Variants in MARCHF1 observed in about 807,000 individuals in gnomAD.
MARCHF1 encodes the protein E3 ubiquitin-protein ligase MARCHF1.
A neutral mutation model predicts 54.2 loss-of-function variants in MARCHF1; 40 were observed. That is an observed-to-expected ratio of 0.74 (90% CI 0.57 to 0.96). The LOEUF (loss-of-function observed/expected upper bound fraction) is 0.96. Among genes scored for constraint, MARCHF1 ranks in the 40% least tolerant of loss-of-function variants. MARCHF1 has a pLI of 0.00. For missense variants in MARCHF1, 586 were observed against 656.5 expected (o/e 0.89, Z 1.17); for synonymous variants, 236 against 236.3 (o/e 1.00, Z 0.01).
At chr4:164,085,975 T>C (rs556775789) in intron 2 of MARCHF1, among the ~76,000 whole-genome samples, 1 of 151,762 alleles carries the variant, frequency 6.6e-6, no homozygotes, top group African/African-American at 2.4e-5. Context: ...AATGGGGGGG[T>C]TATAAGAATT....
chr4:164,217,477 AT>A (rs1477955886), intron 1 of MARCHF1, among the ~76,000 whole-genome samples: 7 of 152,222 alleles, frequency 4.6e-5, no homozygotes, highest in African/African-American at 1.7e-4. Context: ...ACCTGTTAGT[AT>A]TATTAATGAT....
chr4:164,303,447 A>G (rs1734616537), intron 1 of MARCHF1, among the ~76,000 whole-genome samples: 1 of 152,164 alleles, frequency 6.6e-6, no homozygotes, highest in South Asian at 2.1e-4. Flanking sequence ...AAGTGATTTA[A>G]CTTTTCGGAG....
At chr4:164,278,380 G>A (rs1219105261) in intron 1 of MARCHF1, among the ~76,000 whole-genome samples, 2 of 152,050 alleles carry the variant, frequency 1.3e-5, no homozygotes, top group Non-Finnish European at 2.9e-5. Context: ...GAAAAATTAG[G>A]GGAACATTAA....
intron 2 of MARCHF1, among the ~76,000 whole-genome samples, chr4:164,056,972 G>A (rs1210380266): frequency 6.6e-6 from 1 of 152,120 alleles, no homozygotes; most frequent in African/African-American, 2.4e-5. Flanking sequence ...GCTCTGGGAA[G>A]GTTACATGGT....
At chr4:164,333,832 G>A (rs1320387729) in intron 1 of MARCHF1, among the ~76,000 whole-genome samples, 3 of 152,194 alleles carry the variant, frequency 2.0e-5, no homozygotes, top group South Asian at 2.1e-4. Flanking sequence ...AACAAGTTGC[G>A]AATGCAAAGG....
intron 1 of MARCHF1, among the ~76,000 whole-genome samples, chr4:164,176,871 AATTTTATTCTTAG>A (rs1730676679): frequency 1.4e-5 from 2 of 146,808 alleles, no homozygotes; most frequent in East Asian, 4.1e-4. Context: ...CTGATTCCTT[AATTTTATTCTTAG>A]ATTTTTCTTG....
intron 4 of MARCHF1, among the ~76,000 whole-genome samples, chr4:163,741,272 T>C (rs570719216): frequency 1.3e-5 from 2 of 152,240 alleles, no homozygotes; most frequent in African/African-American, 4.8e-5. Flanking sequence ...ATTACGAGTG[T>C]TATTGATGTG....
At chr4:164,225,681 A>G (rs183380504) in intron 1 of MARCHF1, among the ~76,000 whole-genome samples, 1 of 152,160 alleles carries the variant, frequency 6.6e-6, no homozygotes, top group Admixed American at 6.6e-5. Context: ...TTAAAAGCTG[A>G]CAAACGAAGT....
At chr4:163,613,825 A>G (rs1455821868) in intron 5 of MARCHF1, among the ~76,000 whole-genome samples, 4 of 152,156 alleles carry the variant, frequency 2.6e-5, no homozygotes, top group Admixed American at 6.6e-5. Context: ...TACTTCCTGA[A>G]GCTAACATCA....
rs573057657 is a variant in MARCHF1 at position 163,858,447 on chromosome 4, C to G, written c.-38-4278G>C. On this transcript the variant is annotated intron_variant, in intron 3 of 9. Coordinates refer to ENST00000514618, the MANE Select transcript of MARCHF1 (RefSeq NM_001394959.1). The stretch of plus-strand genomic sequence containing the variant: ...TTAAGCTGAATGCTCCCTCTCTTTA[C>G]CACATGCATAGAACTGAGAAAGTGC... Among the ~76,000 whole-genome samples, 32 of 152,106 alleles carry G rather than the reference C, an allele frequency of 2.1e-4. 1 individual carries two copies. The highest frequency in any genetic ancestry group is 7.3e-5 in the Non-Finnish European group (5 of 68,032).
chr4:163,975,238 G>T (rs553478717), intron 3 of MARCHF1, among the ~76,000 whole-genome samples: 6 of 145,558 alleles, frequency 4.1e-5, no homozygotes, highest in Non-Finnish European at 7.5e-5. Context: ...ACTTCCTATT[G>T]TTTCTGTTTT....
At chr4:164,163,012 G>C (rs957317678) in intron 1 of MARCHF1, among the ~76,000 whole-genome samples, 8 of 151,778 alleles carry the variant, frequency 5.3e-5, no homozygotes, top group African/African-American at 2.4e-5. Flanking sequence ...AAGTCAGCCT[G>C]GAATTCTACA....
At chr4:164,378,476 A>G (rs1335732106) in intron 1 of MARCHF1, among the ~76,000 whole-genome samples, 3 of 152,224 alleles carry the variant, frequency 2.0e-5, no homozygotes, top group Non-Finnish European at 2.9e-5. Flanking sequence ...GATTCTCAGG[A>G]GTCTTGTCCT....
intron 1 of MARCHF1, among the ~76,000 whole-genome samples, chr4:164,200,737 A>C (rs1201380581): frequency 6.6e-6 from 1 of 152,256 alleles, no homozygotes; most frequent in Non-Finnish European, 1.5e-5. Flanking sequence ...AGAGTAAAGA[A>C]AGAAATAAAC....
chr4:163,645,113 T>C (rs1236020732), intron 5 of MARCHF1, among the ~76,000 whole-genome samples: 1 of 152,114 alleles, frequency 6.6e-6, no homozygotes, highest in Non-Finnish European at 1.5e-5. Flanking sequence ...ATAAACCTGG[T>C]AACAGGCCCA....
At chr4:164,077,271 C>A (rs1755001354) in intron 2 of MARCHF1, among the ~76,000 whole-genome samples, 2 of 152,082 alleles carry the variant, frequency 1.3e-5, no homozygotes, top group African/African-American at 4.8e-5. Flanking sequence ...CAAAAACAAG[C>A]AATGGGGAAA....
intron 2 of MARCHF1, among the ~76,000 whole-genome samples, chr4:164,092,939 T>A (rs1446913160): frequency 6.6e-6 from 1 of 152,124 alleles, no homozygotes; most frequent in Non-Finnish European, 1.5e-5. Flanking sequence ...ATCAATCCTA[T>A]GAATAGAAGA....
intron 3 of MARCHF1, chr4:163,932,928 C>A (rs1054487890): frequency 9.2e-6 from 6 of 652,822 alleles, no homozygotes; most frequent in South Asian, 2.7e-5. Context: ...TGGTAATGAT[C>A]AAAAACAAAT....
intron 1 of MARCHF1, among the ~76,000 whole-genome samples, chr4:164,285,317 C>G (rs560366338): frequency 6.6e-6 from 1 of 152,174 alleles, no homozygotes; most frequent in South Asian, 2.1e-4. Flanking sequence ...ATTGCTTGAG[C>G]CCAAGGGTTC....
Sources: allele counts gnomAD v4.1 joint callset (sites outside exome capture counted in the v4.1 genomes callset), GRCh38; gene constraint gnomAD v4.1.1; transcripts MANE v1.5; gene names NCBI Gene and HGNC (gene_info 2026-07-23, HGNC 2026-07-21).